Variants in DYNC2H1 observed in about 807,000 individuals in gnomAD.
DYNC2H1 encodes dynein cytoplasmic 2 heavy chain 1.
DYNC2H1 carries 410 observed loss-of-function variants against 570.0 expected under a neutral mutation model. The ratio of observed to expected loss-of-function variants is 0.72; its 90% confidence interval spans 0.66 to 0.78. The LOEUF (loss-of-function observed/expected upper bound fraction) is 0.78, where lower values mean the gene tolerates loss of function less well. Among genes scored for constraint, DYNC2H1 ranks in the 30% least tolerant of loss-of-function variants. The pLI is 0.00. For missense variants in DYNC2H1, 4,865 were observed against 5,046.4 expected (o/e 0.96, Z 1.09); for synonymous variants, 1,688 against 1,677.6 (o/e 1.01, Z -0.15).
intron 84 of DYNC2H1, among the ~76,000 whole-genome samples, chr11:103,417,564 T>C (rs1339221810): frequency 1.3e-5 from 2 of 152,088 alleles, no homozygotes; most frequent in African/African-American, 2.4e-5. Flanking sequence ...ACAATACTAG[T>C]GTAGGCTAAC....
intron 83 of DYNC2H1, among the ~76,000 whole-genome samples, chr11:103,361,715 T>C (rs888461821): frequency 2.0e-5 from 3 of 152,074 alleles, no homozygotes; most frequent in African/African-American, 7.2e-5. Flanking sequence ...TGGGTGCCCT[T>C]GAGTAATGTC....
In DYNC2H1 at chr11:103,154,748, G is replaced by C; in HGVS notation, c.3512G>C (p.Arg1171Thr). 1 of 1,571,658 alleles carries C rather than the reference G, an allele frequency of 6.4e-7. No homozygotes were observed. The highest frequency in any genetic ancestry group is 2.3e-5 in the East Asian group (1 of 43,232). ...TTGATGAACTGGCATGACAGATTAA[G>C]GAAGGTTGAAGAACATTCAGTGATG... is the stretch of plus-strand genomic sequence containing the variant. ...EFLMNWHDRLRKVEEHSVMTV... is the reference protein window; with the variant it reads ...EFLMNWHDRLTKVEEHSVMTV... The change falls in exon 24 of 89, where the codon AGG (arginine) becomes ACG (threonine). Residue 1171 changes from arginine to threonine, a missense_variant. Physicochemically the swap from Arg to Thr is moderately conservative, Grantham distance 71. Around this residue, in one of 5 missense-constraint regions of DYNC2H1, gnomAD observed 1,936 missense variants for 1,962.1 expected, o/e 0.99. Coordinates refer to ENST00000375735, the MANE Select transcript of DYNC2H1 (RefSeq NM_001377.3).
rs760891637 is a variant in DYNC2H1, at chr11:103,117,766, T to G, written c.902T>G (p.Leu301Arg). 3 of 1,613,574 alleles carry G rather than the reference T, an allele frequency of 1.9e-6. No individual in the cohort carries two copies. In the South Asian group the frequency reaches 3.3e-5, roughly 18 times the overall value. Residue 301 changes from leucine to arginine, a missense_variant, in exon 6 of 89, where the codon CTA becomes CGA. Coordinates refer to ENST00000375735, the MANE Select transcript of DYNC2H1 (RefSeq NM_001377.3). ...CEQWVIVCNH[L>R]TGQVWQRYVP... ...CAGTGGGTGATAGTCTGTAATCATC[T>G]AACAGGTCAGGTGTGGCAGCGCTAT...
In DYNC2H1 at chr11:103,303,059, C is replaced by A. The variant is rs1867115901; in HGVS notation, c.11096-34C>A. On this transcript the variant is annotated intron_variant, in intron 75 of 88. Coordinates refer to ENST00000375735, the MANE Select transcript of DYNC2H1 (RefSeq NM_001377.3). ...ATAAACTTTTTAATAATGCATACTG[C>A]TTTTATTTTTAATTTTTAAAATATA... 3 of 1,374,670 alleles carry A rather than the reference C, an allele frequency of 2.2e-6. No homozygotes were observed. In the South Asian group the frequency reaches 5.8e-5, roughly 26 times the overall value. 85.2% of individuals were successfully genotyped at this position (1,374,670 alleles called of 1,614,324 possible).
At chr11:103,213,478 T>G (rs578058905) in intron 54 of DYNC2H1, among the ~76,000 whole-genome samples, 1 of 152,282 alleles carries the variant, frequency 6.6e-6, no homozygotes, top group East Asian at 1.9e-4. Context: ...CTTATGGATT[T>G]ATTTTAAAAT....
At chr11:103,323,489 T>TAA (rs1491014049) in intron 81 of DYNC2H1, among the ~76,000 whole-genome samples, 38 of 146,334 alleles carry the variant, frequency 2.6e-4, no homozygotes, top group African/African-American at 8.9e-4. Context: ...TATATATATA[T>TAA]AACTGCTTAA....
rs111811323 is a variant in DYNC2H1 at position 103,228,634 on chromosome 11, T to G, written c.9354-2626T>G. Among the ~76,000 whole-genome samples, 2,477 of 126,456 alleles carry G rather than the reference T, an allele frequency of 0.02. 62 individuals are homozygous for G. The highest frequency in any genetic ancestry group is 0.057 in the African/African-American group (2,298 of 39,970). 83.0% of individuals were successfully genotyped at this position (126,456 alleles called of 152,430 possible). On this transcript the variant is annotated intron_variant, in intron 59 of 88. Transcript: ENST00000375735. This position sits in a 1 kb window ranked among gnomAD's most constrained non-coding sequence, Gnocchi z 6.1. ...CTCTGTGATGGTCATTGGTTGTGTT[T>G]TTGTTTAGTGTGCTGGTTTTGTGTT...
chr11:103,332,510 T>TA (rs35984983), intron 82 of DYNC2H1, among the ~76,000 whole-genome samples: 12,156 of 152,046 alleles, frequency 0.08, 1,036 homozygotes, highest in African/African-American at 0.2. Context: ...AAGACTGAAA[T>TA]ACTGACCCTA....
intron 79 of DYNC2H1, among the ~76,000 whole-genome samples, chr11:103,312,305 G>A (rs1279545578): frequency 4.0e-5 from 6 of 150,928 alleles, no homozygotes; most frequent in African/African-American, 9.7e-5. Context: ...GCTTGAACCC[G>A]GGAGGCGGAG....
At chr11:103,136,872 T>G (rs1018944614) in intron 17 of DYNC2H1, among the ~76,000 whole-genome samples, 4 of 152,096 alleles carry the variant, frequency 2.6e-5, no homozygotes, top group Non-Finnish European at 5.9e-5. Context: ...TTTCTCCACA[T>G]CCTCTCCAGC....
rs1179267984 is a variant in DYNC2H1, at chr11:103,319,615, A to T, written c.11726-1414A>T. 6.6e-6 allele frequency among the ~76,000 whole-genome samples: 1 copy of T among 152,166 alleles called. No homozygotes were observed. The highest frequency in any genetic ancestry group is 1.5e-5 in the Non-Finnish European group (1 of 68,002). ...TATTGTTGTAATTTAAGTTCTATTC[A>T]TTTTATTTTATCCTGAACAACATAA... On this transcript the variant is annotated intron_variant, in intron 80 of 88. Transcript: ENST00000375735. This position sits in a 1 kb window ranked among gnomAD's most constrained non-coding sequence, Gnocchi z 4.3.
At position 103,155,360 on chromosome 11, in the gene DYNC2H1, A is replaced by C. The variant is rs1431747311; in HGVS notation, c.3603A>C (p.Arg1201Ser). Residue 1201 changes from arginine (R) to serine (S), a missense_variant, in exon 25 of 89, where the codon AGA becomes AGC. Physicochemically the swap from Arg to Ser is moderately radical, Grantham distance 110. Coordinates refer to ENST00000375735, the MANE Select transcript of DYNC2H1 (RefSeq NM_001377.3). Reference sequence around the variant, plus strand: ...TAATTCCTATCTTGAAATATGTGAGAGGGGAGCATCTTTCTCCAGATCACT... The same window carrying C: ...TAATTCCTATCTTGAAATATGTGAGCGGGGAGCATCTTTCTCCAGATCACT... ...KIVIPILKYV[R>S]GEHLSPDHWL... 1 of 1,608,042 alleles carries C rather than the reference A, an allele frequency of 6.2e-7. No homozygotes were observed. The highest frequency in any genetic ancestry group is 1.3e-5 in the African/African-American group (1 of 74,182).
chr11:103,410,535 CA>C (rs1308647897), intron 84 of DYNC2H1, among the ~76,000 whole-genome samples: 1 of 152,058 alleles, frequency 6.6e-6, no homozygotes, highest in African/African-American at 2.4e-5. Context: ...AAAGCACCGC[CA>C]AGTCCTTTGA....
chr11:103,161,140 G>T (rs1490873525), intron 29 of DYNC2H1, 96 bp downstream of exon 29: 5 of 600,908 alleles, frequency 8.3e-6, no homozygotes, highest in Non-Finnish European at 1.4e-5. Flanking sequence ...GGTAAAGTTG[G>T]TTAATTTAGG....
rs1303768961 is a variant in DYNC2H1, at chr11:103,289,933, A to G, written c.11095+2328A>G. ...GTAAAGACAGACACGCAAGGAGAGT[A>G]TAATGTGATTATGAAGGCACAGATT... On this transcript the variant is annotated intron_variant, in intron 75 of 88. Transcript: ENST00000375735. This position sits in a 1 kb window ranked among gnomAD's most constrained non-coding sequence, Gnocchi z 4.2. Among the ~76,000 whole-genome samples the G allele has an allele frequency of 2.0e-5, 3 of 152,134 alleles. No homozygotes were observed. Among genetic ancestry groups the G allele is most frequent in the African/African-American group, 7.2e-5 (3 of 41,440 alleles).
intron 88 of DYNC2H1, among the ~76,000 whole-genome samples, chr11:103,477,832 C>CAAAAAAAAAAA (rs55817710): frequency 2.8e-5 from 2 of 72,606 alleles, no homozygotes; most frequent in Non-Finnish European, 4.9e-5. Flanking sequence ...CTCCCCATCT[C>CAAAAAAAAAAA]AAAAAAAAAA....
At chr11:103,478,271 A>T (rs911198327) in intron 88 of DYNC2H1, among the ~76,000 whole-genome samples, 3 of 152,224 alleles carry the variant, frequency 2.0e-5, no homozygotes, top group African/African-American at 7.2e-5. Flanking sequence ...AGTTTTTCTT[A>T]TATGAACTGC....
chr11:103,190,675 AT>A (rs1056645019), intron 45 of DYNC2H1, among the ~76,000 whole-genome samples: 2 of 152,140 alleles, frequency 1.3e-5, no homozygotes, highest in Non-Finnish European at 2.9e-5. Flanking sequence ...AAAGCAAGAA[AT>A]TCCTTTTTTT....
rs148583578 is a variant in DYNC2H1 at position 103,209,671 on chromosome 11, T to G, written c.8455-205T>G. Among the ~76,000 whole-genome samples the G allele has an allele frequency of 3.6e-3, 550 of 152,158 alleles. 2 individuals carry two copies. Among genetic ancestry groups the G allele is most frequent in the African/African-American group, 0.013 (526 of 41,570 alleles). On this transcript the variant is annotated intron_variant, in intron 52 of 88. Coordinates refer to ENST00000375735, the MANE Select transcript of DYNC2H1 (RefSeq NM_001377.3). The surrounding 1 kb of genome is among the most constrained non-coding windows in gnomAD (Gnocchi z 4.2). ...AAGTGAGCTTTTCCCAGTGTGCCAT[T>G]GCAATCAGTTAATGGTTGATGTGTG...
Sources: gnomAD v4.1 joint callset for allele counts (sites outside exome capture counted in the v4.1 genomes callset) on GRCh38, gnomAD v4.1.1 for gene constraint, gnomAD v4.1.1 regional missense constraint, Gnocchi (gnomAD v3.1) non-coding constraint, MANE v1.5 for transcripts, NCBI Gene and HGNC (gene_info 2026-07-23, HGNC 2026-07-21) for gene names.